Variants in ABLIM3 observed in about 807,000 individuals in gnomAD.
The protein encoded by ABLIM3 is actin binding LIM protein family member 3.
Under a neutral mutation model 109.5 loss-of-function variants are expected in ABLIM3, and 61 were observed. The observed-to-expected ratio is 0.56, with a 90% CI of 0.45 to 0.69. ABLIM3 has a LOEUF of 0.69. Ranked by LOEUF, ABLIM3 falls within the 30% of genes least tolerant of loss-of-function variation. The pLI is 0.00. For synonymous variants in ABLIM3, 300 were observed against 324.8 expected (o/e 0.92, Z 0.82); for missense variants, 796 against 889.5 (o/e 0.89, Z 1.34).
rs183533118 is a variant in ABLIM3, at chr5:149,169,435, C to T, written c.14-14017C>T. Among the ~76,000 whole-genome samples the T allele has an allele frequency of 4.9e-3, 744 of 152,234 alleles. 5 individuals are homozygous for T. Among genetic ancestry groups the T allele is most frequent in the African/African-American group, 0.017 (699 of 41,542 alleles). ...TCCATCCAAGAAAACCTTCCCAGGACCCTCTCCCACACCAGGGGACCTCCC... is the reference window on the plus strand; with the variant it reads ...TCCATCCAAGAAAACCTTCCCAGGATCCTCTCCCACACCAGGGGACCTCCC... On this transcript the variant is annotated intron_variant, in intron 2 of 23. Coordinates refer to ENST00000309868, the MANE Select transcript of ABLIM3 (RefSeq NM_014945.5).
At chr5:149,207,646 C>T (rs965847130) in intron 6 of ABLIM3, among the ~76,000 whole-genome samples, 5 of 152,236 alleles carry the variant, frequency 3.3e-5, no homozygotes, top group African/African-American at 1.2e-4. Flanking sequence ...AATACTCAGA[C>T]TTGAGAGAGT....
At chr5:149,230,858 CA>C in intron 9 of ABLIM3, 151 bp downstream of exon 9, 1 of 848,992 alleles carries the variant, frequency 1.2e-6, no homozygotes, top group South Asian at 1.6e-5. Flanking sequence ...CTAACGGTAA[CA>C]CCTGCCCCAT....
intron 3 of ABLIM3, among the ~76,000 whole-genome samples, chr5:149,191,510 T>C (rs1757473342): frequency 6.6e-6 from 1 of 152,204 alleles, no homozygotes; most frequent in South Asian, 2.1e-4. Context: ...AAACAAATCA[T>C]CTATGTCTTA....
chr5:149,223,398 G>C (rs1284921840), intron 8 of ABLIM3, among the ~76,000 whole-genome samples: 1 of 152,162 alleles, frequency 6.6e-6, no homozygotes, highest in Non-Finnish European at 1.5e-5. Context: ...TGCCTGCTGG[G>C]CAAGTCAAGA....
In ABLIM3 at chr5:149,198,530, C is replaced by A; in HGVS notation, c.335+128C>A. 2 of 1,181,864 alleles carry A rather than the reference C, an allele frequency of 1.7e-6. No individual in the cohort carries two copies. The highest frequency in any genetic ancestry group is 2.6e-5 in the East Asian group (1 of 38,492). 73.2% of individuals were successfully genotyped at this position (1,181,864 alleles called of 1,614,324 possible). ...CTGCACATTTAGATTTCTGGAACCT[C>A]AGGTGTGGAGGGATCTGATGGGCCA... On this transcript the variant is annotated intron_variant, in intron 4 of 23. Coordinates refer to ENST00000309868, the MANE Select transcript of ABLIM3 (RefSeq NM_014945.5). The surrounding 1 kb of genome is among the most constrained non-coding windows in gnomAD (Gnocchi z 4.2).
At chr5:149,245,105 A>G in intron 16 of ABLIM3, 90 bp downstream of exon 16, 4 of 1,514,500 alleles carry the variant, frequency 2.6e-6, no homozygotes, top group South Asian at 1.2e-5. Context: ...CCTTTATACA[A>G]TCATTCTGAA....
intron 2 of ABLIM3, among the ~76,000 whole-genome samples, chr5:149,169,675 G>C (rs1248649678): frequency 2.6e-5 from 4 of 152,164 alleles, no homozygotes; most frequent in Non-Finnish European, 5.9e-5. Context: ...AGAAGAAGGA[G>C]TGGCTGCTGA....
At chr5:149,252,633 C>T in intron 22 of ABLIM3, 124 bp from the exon 23 acceptor site, 1 of 758,360 alleles carries the variant, frequency 1.3e-6, no homozygotes, top group Non-Finnish European at 2.2e-6. Flanking sequence ...AGATCCAGCT[C>T]TTCCTCCAGA....
At chr5:149,258,031 G>T (rs754488643) in intron 23 of ABLIM3, among the ~76,000 whole-genome samples, 5 of 152,226 alleles carry the variant, frequency 3.3e-5, no homozygotes, top group Non-Finnish European at 7.3e-5. Flanking sequence ...GGAAGCGGAA[G>T]TCCCACTTGA....
chr5:149,167,689 A>G (rs1754954943), intron 2 of ABLIM3, among the ~76,000 whole-genome samples: 1 of 152,210 alleles, frequency 6.6e-6, no homozygotes, highest in African/African-American at 2.4e-5. Flanking sequence ...TAGAGAGATA[A>G]GCTCAAGAGA....
chr5:149,244,740 T>C, intron 15 of ABLIM3, 141 bp from the exon 16 acceptor site: 1 of 1,049,794 alleles, frequency 9.5e-7, no homozygotes, highest in African/African-American at 1.6e-5. Context: ...CGATGCTCCA[T>C]GGCCCAGTTC....
chr5:149,189,804 C>T (rs1432443757), intron 3 of ABLIM3, among the ~76,000 whole-genome samples: 1 of 152,144 alleles, frequency 6.6e-6, no homozygotes, highest in East Asian at 1.9e-4. Context: ...CTGGCAGTTC[C>T]TCAAAAGATG....
intron 5 of ABLIM3, among the ~76,000 whole-genome samples, chr5:149,204,805 G>C (rs557172585): frequency 1.5e-4 from 23 of 152,270 alleles, no homozygotes; most frequent in African/African-American, 5.1e-4. Context: ...ATTCTCTCCT[G>C]GGCCAATTTC....
intron 10 of ABLIM3, among the ~76,000 whole-genome samples, chr5:149,235,791 C>A (rs1156413685): frequency 6.6e-6 from 1 of 152,170 alleles, no homozygotes; most frequent in Non-Finnish European, 1.5e-5. Context: ...TGGCAGAAAT[C>A]AGGTGGCCTA....
chr5:149,252,561 C>G (rs1581250530), intron 22 of ABLIM3, 196 bp from the exon 23 acceptor site: 3 of 590,116 alleles, frequency 5.1e-6, no homozygotes, highest in Non-Finnish European at 9.0e-6. Flanking sequence ...TTAGGGGACT[C>G]TCTTGGGCCT....
chr5:149,228,377 C>A (rs1272920196), intron 8 of ABLIM3, among the ~76,000 whole-genome samples: 1 of 152,098 alleles, frequency 6.6e-6, no homozygotes, highest in Non-Finnish European at 1.5e-5. Context: ...AGTCACCATC[C>A]TCTCATGGGT....
intron 8 of ABLIM3, among the ~76,000 whole-genome samples, chr5:149,224,488 AG>A (rs2127536500): frequency 6.6e-6 from 1 of 152,284 alleles, no homozygotes; most frequent in East Asian, 1.9e-4. Context: ...CCTGGGCACA[AG>A]CCCAACCTCC....
intron 3 of ABLIM3, among the ~76,000 whole-genome samples, chr5:149,192,869 C>T (rs919143587): frequency 4.1e-5 from 6 of 145,102 alleles, no homozygotes; most frequent in Non-Finnish European, 8.8e-5. Context: ...GTAGATATAA[C>T]CACCATTTAT....
At chr5:149,171,233 A>G (rs1755390165) in intron 2 of ABLIM3, among the ~76,000 whole-genome samples, 1 of 152,202 alleles carries the variant, frequency 6.6e-6, no homozygotes, top group South Asian at 2.1e-4. Flanking sequence ...CCTTTAGGGT[A>G]GAAAGTGTTT....
Sources: allele counts gnomAD v4.1 joint callset (sites outside exome capture counted in the v4.1 genomes callset), GRCh38; gene constraint gnomAD v4.1.1; non-coding constraint Gnocchi (gnomAD v3.1); transcripts MANE v1.5; gene names NCBI Gene and HGNC (gene_info 2026-07-23, HGNC 2026-07-21).